The following PPP1CB variants were observed in gnomAD, a reference collection of about 807,000 sequenced individuals.
PPP1CB encodes the protein serine/threonine-protein phosphatase PP1-beta catalytic subunit.
PPP1CB carries 2 observed loss-of-function variants against 43.7 expected under a neutral mutation model. That is an observed-to-expected ratio of 0.05 (90% confidence interval 0.02 to 0.14). The LOEUF (loss-of-function observed/expected upper bound fraction) is 0.14, where lower values mean the gene tolerates loss of function less well. Ranked by LOEUF, PPP1CB falls within the 10% of genes least tolerant of loss-of-function variation. The pLI is 1.00. For synonymous variants in PPP1CB, 136 were observed against 135.6 expected (o/e 1.00, Z -0.02); for missense variants, 84 against 398.0 (o/e 0.21, Z 6.71).
At chr2:28,764,765 C>T (rs1251203184) in intron 1 of PPP1CB, among the ~76,000 whole-genome samples, 1 of 151,850 alleles carries the variant, frequency 6.6e-6, no homozygotes, top group East Asian at 1.9e-4. Flanking sequence ...ACTAAAAATA[C>T]AAAAAATTAG....
intron 7 of PPP1CB, 97 bp downstream of exon 7, chr2:28,794,094 G>A: frequency 9.8e-7 from 1 of 1,021,858 alleles, no homozygotes; most frequent in Admixed American, 2.5e-5. Flanking sequence ...AGCAAGTGTT[G>A]AAAGTCTGTT....
At chr2:28,758,726 A>G (rs992775643) in intron 1 of PPP1CB, among the ~76,000 whole-genome samples, 7 of 152,228 alleles carry the variant, frequency 4.6e-5, no homozygotes, top group African/African-American at 1.7e-4. Context: ...TGTGGAGCAC[A>G]GTGATTTGTG....
At position 28,782,268 on chromosome 2, in the gene PPP1CB, TAATAA is replaced by T. The variant is rs565961806; in HGVS notation, c.520+432_520+436del. Among the ~76,000 whole-genome samples the T allele has an allele frequency of 8.5e-5, 13 of 152,246 alleles. 1 individual carries two copies. In the South Asian group the frequency reaches 2.7e-3, roughly 32 times the overall value. On this transcript the variant is annotated intron_variant, in intron 4 of 7. Coordinates refer to ENST00000395366, the MANE Select transcript of PPP1CB (RefSeq NM_002709.3). ...ATTTGCTTTAGTATTAACAATAAAA[TAATAA>T]AATAATCTTTGGCAGATTGGTAGGT...
At position 28,783,759 on chromosome 2, in the gene PPP1CB, A is replaced by AC. The variant is rs558409942; in HGVS notation, c.521-148_521-147insC. The AC allele has an allele frequency of 2.2e-4, 107 of 494,804 alleles. No individual in the cohort carries two copies. In the East Asian group the frequency reaches 3.4e-3, roughly 16 times the overall value. 30.7% of individuals were successfully genotyped at this position (494,804 alleles called of 1,614,324 possible). On this transcript the variant is annotated intron_variant, in intron 4 of 7. Transcript: ENST00000395366. ...GTGACAGAGTAAGATTCTGTCTCGA[A>AC]AAAAAAAAAAGACGTTAAAAGGAAC...
At chr2:28,772,623 T>C (rs1443768829) in intron 1 of PPP1CB, among the ~76,000 whole-genome samples, 2 of 151,980 alleles carry the variant, frequency 1.3e-5, no homozygotes, top group East Asian at 1.9e-4. Context: ...CCAAATAGAG[T>C]AGTAAAGATA....
intron 1 of PPP1CB, among the ~76,000 whole-genome samples, chr2:28,760,195 A>G (rs2148456806): frequency 6.6e-6 from 1 of 152,352 alleles, no homozygotes; most frequent in South Asian, 2.1e-4. Flanking sequence ...AAGGCTTAAT[A>G]GGATAAGGAT....
At chr2:28,766,581 C>T (rs1354698487) in intron 1 of PPP1CB, among the ~76,000 whole-genome samples, 1 of 152,310 alleles carries the variant, frequency 6.6e-6, no homozygotes, top group African/African-American at 2.4e-5. Flanking sequence ...AGTTGTTCCA[C>T]ATAGATTATT....
intron 1 of PPP1CB, among the ~76,000 whole-genome samples, chr2:28,755,491 A>C (rs1666468733): frequency 6.6e-6 from 1 of 152,236 alleles, no homozygotes; most frequent in Non-Finnish European, 1.5e-5. Flanking sequence ...TAAAAACCAA[A>C]GACTTCTACT....
chr2:28,753,192 C>A (rs1200269065), intron 1 of PPP1CB, among the ~76,000 whole-genome samples: 1 of 136,694 alleles, frequency 7.3e-6, no homozygotes, highest in African/African-American at 2.5e-5. Context: ...AGCCTTTAAT[C>A]CTTTTTAAAC....
At chr2:28,799,113 C>T (rs1667555803) in intron 7 of PPP1CB, 86 bp from the exon 8 acceptor site, 4 of 911,018 alleles carry the variant, frequency 4.4e-6, no homozygotes, top group Non-Finnish European at 6.8e-6. Context: ...GCAGTTTATG[C>T]CATTTATTGA....
Position 28,801,433 on chromosome 2 carries a change from T to G in PPP1CB, c.*2130T>G, listed in dbSNP as rs930265176. 1.5e-5 allele frequency: 2 copies of G among 135,302 alleles called. No homozygotes were observed. The highest frequency in any genetic ancestry group is 5.9e-5 in the African/African-American group (2 of 33,746). 8.4% of individuals were successfully genotyped at this position (135,302 alleles called of 1,614,324 possible). On this transcript the variant is annotated 3_prime_UTR_variant, in exon 8 of 8. Transcript: ENST00000395366. ...TAAGTATGTTGGTTAATAGGAATCC[T>G]TTTTTTTTTTTTTAAAGACTAAATG... is the stretch of plus-strand genomic sequence containing the variant.
chr2:28,788,906 G>A (rs1042195964), intron 6 of PPP1CB, 97 bp downstream of exon 6: 2 of 1,238,282 alleles, frequency 1.6e-6, no homozygotes, highest in Non-Finnish European at 2.2e-6. Flanking sequence ...CACCCAGGCT[G>A]GAGTGCAATG....
intron 7 of PPP1CB, among the ~76,000 whole-genome samples, chr2:28,797,296 G>C (rs563555963): frequency 3.0e-4 from 45 of 152,226 alleles, no homozygotes; most frequent in Admixed American, 1.0e-3. Flanking sequence ...ACTGAGTTAG[G>C]GGGGAGGTCC....
At chr2:28,788,939 C>T (rs1667330800) in intron 6 of PPP1CB, 130 bp downstream of exon 6, 1 of 912,814 alleles carries the variant, frequency 1.1e-6, no homozygotes, top group Non-Finnish European at 1.6e-6. Context: ...CTCACTGCAA[C>T]CTGTGCCTCC....
intron 1 of PPP1CB, among the ~76,000 whole-genome samples, chr2:28,762,087 C>T (rs1188530211): frequency 6.6e-6 from 1 of 152,072 alleles, no homozygotes; most frequent in Non-Finnish European, 1.5e-5. Context: ...GAGTTCAAGA[C>T]CAGCCTGGGC....
chr2:28,788,868 C>T lies in PPP1CB; in HGVS notation c.744+59C>T, dbSNP rs570992905. 2.1e-4 allele frequency: 301 copies of T among 1,451,920 alleles called. No homozygotes were observed. In the Middle Eastern group the frequency reaches 4.0e-3, roughly 19 times the overall value. The allele number at this position is 1,451,920 out of a possible 1,614,324, so 89.9% of individuals were successfully genotyped here. A position where few individuals can be genotyped will look rare whatever the true frequency, so the allele number is the denominator to read the frequency against. On this transcript the variant is annotated intron_variant, in intron 6 of 7. Transcript: ENST00000395366. ...TTTCTTTCTTTTTTTTGGGGGCAGA[C>T]GGAGGGGCAGACAGATTCTTGTTCT...
At chr2:28,764,425 A>C (rs1666734397) in intron 1 of PPP1CB, among the ~76,000 whole-genome samples, 1 of 150,632 alleles carries the variant, frequency 6.6e-6, no homozygotes. Flanking sequence ...GTGCCACTGC[A>C]CTCGAGCCTA....
At chr2:28,780,724 G>A (rs1667142257) in intron 3 of PPP1CB, among the ~76,000 whole-genome samples, 1 of 152,158 alleles carries the variant, frequency 6.6e-6, no homozygotes, top group South Asian at 2.1e-4. Flanking sequence ...TAGTACTTGT[G>A]TCTTTCATCC....
At chr2:28,784,279 T>G (rs185364652) in intron 5 of PPP1CB, among the ~76,000 whole-genome samples, 60 of 152,354 alleles carry the variant, frequency 3.9e-4, no homozygotes, top group African/African-American at 1.4e-3. Flanking sequence ...TAGCATTGGT[T>G]ATGTTCTTCA....
Sources: allele counts gnomAD v4.1 joint callset (sites outside exome capture counted in the v4.1 genomes callset), GRCh38; gene constraint gnomAD v4.1.1; transcripts MANE v1.5; gene names NCBI Gene and HGNC (gene_info 2026-07-23, HGNC 2026-07-21).